MPZL3: variants seen among roughly 807,000 people sequenced by gnomAD.
MPZL3 encodes myelin protein zero like 3, also known as myelin protein zero-like protein 3.
Under a neutral mutation model 24.8 loss-of-function variants are expected in MPZL3, and 23 were observed. That is an observed-to-expected ratio of 0.93 (90% confidence interval 0.67 to 1.31). The LOEUF is 1.31. Ranked by LOEUF, MPZL3 falls within the 40% of genes most tolerant of loss-of-function variation. MPZL3 has a pLI of 0.00. For synonymous variants in MPZL3, 99 were observed against 106.5 expected, an observed-to-expected ratio of 0.93 and a Z score of 0.44; for missense variants, 277 against 294.9, an observed-to-expected ratio of 0.94 and a Z score of 0.44.
rs559608909 is a variant in MPZL3, at chr11:118,251,495, T to C, written c.73+727A>G. On this transcript the variant is annotated intron_variant, in intron 1 of 5. Transcript: ENST00000278949. ...CAAAATCCAGGAAATAATTGTACCT[T>C]AAGATGAAGGTAATTAGGCTGGATT... 5.9e-5 allele frequency among the ~76,000 whole-genome samples: 9 copies of C among 152,202 alleles called. No individual in the cohort carries two copies. The East Asian group carries it at 1.7e-3, about 29-fold the overall frequency.
intron 1 of MPZL3, 87 bp downstream of exon 1, chr11:118,252,135 G>A: frequency 1.4e-6 from 2 of 1,385,944 alleles, no homozygotes; most frequent in Admixed American, 1.7e-5. Flanking sequence ...GGGGCTTTCT[G>A]GAGACCCCCC....
rs1949300206 is a variant in MPZL3 at position 118,228,390 on chromosome 11, T to G, written c.*1504A>C. On this transcript the variant is annotated 3_prime_UTR_variant, in exon 6 of 6. Coordinates refer to ENST00000278949, the MANE Select transcript of MPZL3 (RefSeq NM_198275.3). ...TAGAGACAGGTGAGGGGATAATTTT[T>G]GTCTCTCATAATTGAGAAGTAAATC... 1 of 152,244 alleles carries G rather than the reference T, an allele frequency of 6.6e-6. No individual in the cohort carries two copies. Among genetic ancestry groups the G allele is most frequent in the African/African-American group, 2.4e-5 (1 of 41,456 alleles). 9.4% of individuals were successfully genotyped at this position (152,244 alleles called of 1,614,324 possible). A position where few individuals can be genotyped will look rare whatever the true frequency, so the allele number is the denominator to read the frequency against.
chr11:118,240,143 T>C (rs1949474030), intron 2 of MPZL3, 68 bp downstream of exon 2: 1 of 1,435,506 alleles, frequency 7.0e-7, no homozygotes, highest in Admixed American at 2.9e-5. Context: ...CAGGCATGCC[T>C]ATGATTTGCA....
intron 1 of MPZL3, among the ~76,000 whole-genome samples, chr11:118,243,253 T>C (rs532855584): frequency 2.0e-5 from 3 of 152,292 alleles, no homozygotes; most frequent in East Asian, 3.9e-4. Flanking sequence ...CATTCTCCCT[T>C]AGTCCTCCAT....
intron 1 of MPZL3, among the ~76,000 whole-genome samples, chr11:118,247,196 C>T (rs567091504): frequency 1.3e-5 from 2 of 152,232 alleles, no homozygotes; most frequent in South Asian, 4.1e-4. Flanking sequence ...GAATGATGTA[C>T]TTTATACAGT....
intron 1 of MPZL3, among the ~76,000 whole-genome samples, chr11:118,250,266 C>A (rs545776264): frequency 3.8e-4 from 55 of 146,558 alleles, no homozygotes; most frequent in Non-Finnish European, 6.7e-4. Context: ...CTCAAATGAT[C>A]CACCCACCTC....
chr11:118,250,914 T>C (rs1202078625), intron 1 of MPZL3, among the ~76,000 whole-genome samples: 1 of 152,214 alleles, frequency 6.6e-6, no homozygotes, highest in Non-Finnish European at 1.5e-5. Context: ...GCAAAAAATC[T>C]ATTCCACAAG....
At chr11:118,250,844 C>CA in intron 1 of MPZL3, among the ~76,000 whole-genome samples, 1 of 152,258 alleles carries the variant, frequency 6.6e-6, no homozygotes, top group African/African-American at 2.4e-5. Context: ...CTCGGTCTCC[C>CA]AAAGTGCTGG....
At chr11:118,249,534 C>T (rs1949596004) in intron 1 of MPZL3, among the ~76,000 whole-genome samples, 1 of 151,906 alleles carries the variant, frequency 6.6e-6, no homozygotes, top group Non-Finnish European at 1.5e-5. Flanking sequence ...TAGAAATACT[C>T]ATAATAATTA....
Position 118,229,299 on chromosome 11 carries a change from G to A in MPZL3, c.*595C>T, listed in dbSNP as rs1366797774. The A allele has an allele frequency of 6.6e-6, 1 of 152,226 alleles. No individual in the cohort carries two copies. The highest frequency in any genetic ancestry group is 1.5e-5 in the Non-Finnish European group (1 of 68,080). The allele number at this position is 152,226 out of a possible 1,614,324, so 9.4% of individuals were successfully genotyped here. A position where few individuals can be genotyped will look rare whatever the true frequency, so the allele number is the denominator to read the frequency against. ...AAAAACCCAGTCAAAGCAAACCAATGACTTGATCCTACCAACTCTAAGGAA... is the reference window on the plus strand; with the variant it reads ...AAAAACCCAGTCAAAGCAAACCAATAACTTGATCCTACCAACTCTAAGGAA... On this transcript the variant is annotated 3_prime_UTR_variant, in exon 6 of 6. Transcript: ENST00000278949.
intron 5 of MPZL3, 116 bp downstream of exon 5, chr11:118,233,344 C>A: frequency 1.8e-6 from 2 of 1,137,844 alleles, no homozygotes; most frequent in South Asian, 1.3e-5. Flanking sequence ...TGGTTCATAT[C>A]TTGCTTGGAC....
chr11:118,250,830 C>T (rs929253691), intron 1 of MPZL3, among the ~76,000 whole-genome samples: 3 of 152,178 alleles, frequency 2.0e-5, no homozygotes, highest in African/African-American at 7.2e-5. Flanking sequence ...GGTGATCCAG[C>T]TGCCTCGGTC....
At chr11:118,231,149 T>A (rs1949345721) in intron 5 of MPZL3, among the ~76,000 whole-genome samples, 1 of 152,212 alleles carries the variant, frequency 6.6e-6, no homozygotes, top group Admixed American at 6.5e-5. Context: ...ACTATTCCAC[T>A]GAAGATCCTT....
intron 3 of MPZL3, among the ~76,000 whole-genome samples, chr11:118,236,169 T>C (rs1949423371): frequency 6.6e-6 from 1 of 152,186 alleles, no homozygotes; most frequent in Non-Finnish European, 1.5e-5. Context: ...TGATTCATAC[T>C]ACCAAACTGC....
intron 1 of MPZL3, among the ~76,000 whole-genome samples, chr11:118,250,267 C>T (rs546015744): frequency 6.7e-6 from 1 of 150,278 alleles, no homozygotes; most frequent in African/African-American, 2.5e-5. Context: ...TCAAATGATC[C>T]ACCCACCTCG....
intron 1 of MPZL3, among the ~76,000 whole-genome samples, chr11:118,250,130 A>C (rs1480959997): frequency 6.6e-6 from 1 of 150,694 alleles, no homozygotes; most frequent in Non-Finnish European, 1.5e-5. Context: ...GCCTCTCAAG[A>C]ATCTGGGATA....
At chr11:118,236,059 T>C (rs181495597) in intron 3 of MPZL3, among the ~76,000 whole-genome samples, 114 of 152,340 alleles carry the variant, frequency 7.5e-4, no homozygotes, top group Middle Eastern at 3.4e-3. Context: ...CACATTAGGA[T>C]AGCCAGGCTT....
chr11:118,236,981 C>G, intron 3 of MPZL3, 69 bp downstream of exon 3: 2 of 1,374,544 alleles, frequency 1.5e-6, no homozygotes, highest in Non-Finnish European at 2.1e-6. Flanking sequence ...TGTTTATCAT[C>G]GAGCTCTCCA....
At chr11:118,238,132 G>A (rs557735927) in intron 2 of MPZL3, among the ~76,000 whole-genome samples, 90 of 91,900 alleles carry the variant, frequency 9.8e-4, no homozygotes, top group Admixed American at 8.3e-3. Context: ...GCTAGACTCC[G>A]CCTCAAAAAA....
Sources: gnomAD v4.1 joint callset for allele counts (sites outside exome capture counted in the v4.1 genomes callset) on GRCh38, gnomAD v4.1.1 for gene constraint, MANE v1.5 for transcripts, NCBI Gene and HGNC (gene_info 2026-07-23, HGNC 2026-07-21) for gene names.